Variants in MLLT3 observed in about 807,000 individuals in gnomAD.
MLLT3 encodes protein AF-9.
In MLLT3, 4 loss-of-function variants were observed where a neutral mutation model predicts 53.2. The observed-to-expected ratio is 0.08, with a 90% CI of 0.04 to 0.17. The LOEUF (loss-of-function observed/expected upper bound fraction) is 0.17. Among genes scored for constraint, MLLT3 ranks in the 10% least tolerant of loss-of-function variants. The pLI, the probability that MLLT3 is intolerant of heterozygous loss-of-function variation, is 1.00. For synonymous variants in MLLT3, 283 were observed against 230.6 expected, an observed-to-expected ratio of 1.23 and a Z score of -2.06; for missense variants, 569 against 684.0, an observed-to-expected ratio of 0.83 and a Z score of 1.87.
chr9:20,563,108 T>C (rs951686230), intron 2 of MLLT3, among the ~76,000 whole-genome samples: 6 of 151,970 alleles, frequency 3.9e-5, no homozygotes, highest in Non-Finnish European at 7.4e-5. Context: ...CTGGGGAAAG[T>C]TTCCAAGAAG....
chr9:20,565,935 TATTTATATATATATATATTTATATATATA>T (rs1819348117), intron 2 of MLLT3, among the ~76,000 whole-genome samples: 3 of 11,366 alleles, frequency 2.6e-4, no homozygotes, highest in Non-Finnish European at 4.6e-4. Context: ...TATATATATA[TATTTATATATATATATATTTATATATATA>T]TATTTATATA....
At chr9:20,368,144 T>C (rs772368753) in intron 5 of MLLT3, among the ~76,000 whole-genome samples, 1 of 152,182 alleles carries the variant, frequency 6.6e-6, no homozygotes, top group African/African-American at 2.4e-5. Flanking sequence ...CAAAGAAAAG[T>C]TGGTTTACAC....
At chr9:20,486,414 A>T (rs1434423837) in intron 2 of MLLT3, among the ~76,000 whole-genome samples, 1 of 152,176 alleles carries the variant, frequency 6.6e-6, no homozygotes, top group Non-Finnish European at 1.5e-5. Flanking sequence ...AAAAAGATAT[A>T]ACATGATCTT....
intron 10 of MLLT3, 73 bp from the exon 11 acceptor site, chr9:20,346,647 G>C: frequency 7.0e-7 from 1 of 1,429,324 alleles, no homozygotes; most frequent in Non-Finnish European, 9.6e-7. Flanking sequence ...AGTAATGGAG[G>C]GGCGATCAAA....
At chr9:20,587,661 G>A (rs913544476) in intron 2 of MLLT3, among the ~76,000 whole-genome samples, 18 of 152,144 alleles carry the variant, frequency 1.2e-4, no homozygotes, top group Admixed American at 3.3e-4. Context: ...GTCTGTTCAT[G>A]TCCTTTGCCC....
intron 10 of MLLT3, 128 bp from the exon 11 acceptor site, chr9:20,346,702 C>A (rs1002691568): frequency 2.3e-6 from 2 of 857,530 alleles, no homozygotes; most frequent in Non-Finnish European, 3.6e-6. Context: ...CAACAAGGTC[C>A]CATACCATGA....
Position 20,346,656 on chromosome 9 carries a change from A to C in MLLT3, c.1576-82T>G, listed in dbSNP as rs1008891145. The C allele has an allele frequency of 9.8e-6, 13 of 1,330,782 alleles. No homozygotes were observed. The African/African-American group carries it at 1.9e-4, about 20-fold the overall frequency. 82.4% of individuals were successfully genotyped at this position (1,330,782 alleles called of 1,614,324 possible). On this transcript the variant is annotated intron_variant, in intron 10 of 10. Coordinates refer to ENST00000380338, the MANE Select transcript of MLLT3 (RefSeq NM_004529.4). ...AGAGAGAGTAATGGAGGGGCGATCA[A>C]ATATGGAATCAAGTGATAAATATTC... is the stretch of plus-strand genomic sequence containing the variant.
At chr9:20,394,211 T>C (rs1036857998) in intron 5 of MLLT3, among the ~76,000 whole-genome samples, 1 of 151,810 alleles carries the variant, frequency 6.6e-6, no homozygotes, top group African/African-American at 2.4e-5. Context: ...AGGTCCAGGG[T>C]TGGGGGGAGC....
intron 3 of MLLT3, among the ~76,000 whole-genome samples, chr9:20,455,429 TCTTA>T (rs1181608739): frequency 5.9e-5 from 9 of 152,234 alleles, no homozygotes; most frequent in Non-Finnish European, 1.3e-4. Context: ...TCAGTGGTTC[TCTTA>T]CTTACTGAGC....
Position 20,560,829 on chromosome 9 carries a change from A to C in MLLT3, c.193+59825T>G, listed in dbSNP as rs191900434. On this transcript the variant is annotated intron_variant, in intron 2 of 10. Transcript: ENST00000380338. ...ACATATTTATGGGGTACATGTGAGT[A>C]TTTTTTACACATACAGATTGTGTAA... Among the ~76,000 whole-genome samples, 763 of 152,012 alleles carry C rather than the reference A, an allele frequency of 5.0e-3. 4 individuals carry two copies. Among genetic ancestry groups the C allele is most frequent in the African/African-American group, 0.016 (673 of 41,456 alleles).
intron 5 of MLLT3, among the ~76,000 whole-genome samples, chr9:20,381,851 C>T (rs1048676098): frequency 2.6e-5 from 4 of 151,752 alleles, no homozygotes; most frequent in Admixed American, 2.0e-4. Context: ...AATGTAAGAA[C>T]AATATTATTC....
intron 4 of MLLT3, among the ~76,000 whole-genome samples, chr9:20,426,885 G>A (rs1823151262): frequency 6.6e-6 from 1 of 152,222 alleles, no homozygotes; most frequent in East Asian, 1.9e-4. Flanking sequence ...GAAAGATGGG[G>A]TTGCCCTAAG....
chr9:20,385,397 T>C (rs919092518), intron 5 of MLLT3, among the ~76,000 whole-genome samples: 4 of 152,198 alleles, frequency 2.6e-5, no homozygotes, highest in African/African-American at 9.6e-5. Context: ...TGTTCCATGA[T>C]ATTTTGAATC....
intron 3 of MLLT3, among the ~76,000 whole-genome samples, chr9:20,453,386 C>A (rs1372109952): frequency 6.6e-6 from 1 of 152,078 alleles, no homozygotes; most frequent in East Asian, 1.9e-4. Context: ...CATGGTGAAA[C>A]CCTGTCTCTA....
At chr9:20,493,196 C>T (rs1227038066) in intron 2 of MLLT3, among the ~76,000 whole-genome samples, 4 of 151,934 alleles carry the variant, frequency 2.6e-5, no homozygotes, top group African/African-American at 4.8e-5. Context: ...TCTTCCTACT[C>T]TTGTTATTAG....
intron 2 of MLLT3, among the ~76,000 whole-genome samples, chr9:20,521,060 CT>C (rs34014966): frequency 2.1e-5 from 3 of 145,288 alleles, no homozygotes; most frequent in East Asian, 2.0e-4. Context: ...AAGCTGTAAA[CT>C]TTTTTTTTGT....
intron 4 of MLLT3, among the ~76,000 whole-genome samples, chr9:20,437,781 C>T (rs146799141): frequency 3.7e-4 from 57 of 152,222 alleles, no homozygotes; most frequent in African/African-American, 1.2e-3. Context: ...CCAAAGTATT[C>T]AGAGCTCAAA....
intron 2 of MLLT3, among the ~76,000 whole-genome samples, chr9:20,600,531 A>C (rs1419402608): frequency 2.0e-5 from 3 of 152,230 alleles, no homozygotes; most frequent in African/African-American, 7.2e-5. Context: ...ACTCCTCAGG[A>C]ATAACAGCAA....
intron 2 of MLLT3, among the ~76,000 whole-genome samples, chr9:20,479,878 A>G (rs1824619208): frequency 6.6e-6 from 1 of 152,342 alleles, no homozygotes; most frequent in East Asian, 1.9e-4. Context: ...ATAACTCATA[A>G]CAATGCCATG....
Sources: gnomAD v4.1 joint callset for allele counts (sites outside exome capture counted in the v4.1 genomes callset) on GRCh38, gnomAD v4.1.1 for gene constraint, MANE v1.5 for transcripts, NCBI Gene and HGNC (gene_info 2026-07-23, HGNC 2026-07-21) for gene names.